The following COL13A1 variants were observed in gnomAD, a reference collection of about 807,000 sequenced individuals.
The protein encoded by COL13A1 is collagen type XIII alpha 1 chain, also known as collagen alpha-1(XIII) chain.
COL13A1 carries 89 observed loss-of-function variants against 130.9 expected under a neutral mutation model. The observed-to-expected ratio is 0.68, with a 90% CI of 0.57 to 0.81. The LOEUF (loss-of-function observed/expected upper bound fraction) is 0.81, where lower values mean the gene tolerates loss of function less well. COL13A1 is among the 30% of genes least tolerant of loss of function. The pLI is 0.00. For missense variants in COL13A1, 879 were observed against 934.6 expected (o/e 0.94, Z 0.78); for synonymous variants, 402 against 341.6 (o/e 1.18, Z -1.95).
At chr10:69,920,165 AGCTGCTACCCTGGG>A (rs1243020246) in intron 21 of COL13A1, among the ~76,000 whole-genome samples, 3 of 152,196 alleles carry the variant, frequency 2.0e-5, no homozygotes, top group Admixed American at 6.5e-5. Context: ...TTTACCGTTC[AGCTGCTACCCTGGG>A]GCAGGTGCCA....
chr10:69,949,448 C>T (rs1197443546), intron 38 of COL13A1, among the ~76,000 whole-genome samples: 1 of 152,202 alleles, frequency 6.6e-6, no homozygotes, highest in African/African-American at 2.4e-5. Flanking sequence ...TCCCAAAGTG[C>T]TGGAATTACA....
At chr10:69,956,896 C>A in intron 39 of COL13A1, 108 bp from the exon 40 acceptor site, 1 of 818,082 alleles carries the variant, frequency 1.2e-6, no homozygotes, top group South Asian at 1.4e-5. Flanking sequence ...GGGTGGGCCA[C>A]ATCCTGATCA....
chr10:69,882,724 G>GA (rs1222892817), intron 7 of COL13A1, among the ~76,000 whole-genome samples: 2 of 152,224 alleles, frequency 1.3e-5, no homozygotes, highest in Admixed American at 1.3e-4. Flanking sequence ...TACTTCAGGA[G>GA]AAAAAAGTCC....
rs1405812555 is a variant in COL13A1 at position 69,829,657 on chromosome 10, AG to A, written c.364+7222del. On this transcript the variant is annotated intron_variant, in intron 2 of 40. Transcript: ENST00000645393. ...AGGAAGGTTGACCATCACCTTGGAG[AG>A]GGCCCTGGGTTTAAGGAGCACCCCC... Among the ~76,000 whole-genome samples, 5 of 152,300 alleles carry A rather than the reference AG, an allele frequency of 3.3e-5. No homozygotes were observed. The South Asian group carries it at 8.3e-4, about 25-fold the overall frequency.
In COL13A1 at chr10:69,899,456, T is replaced by C. The variant is rs375273322; in HGVS notation, c.750+694T>C. 4.6e-5 allele frequency among the ~76,000 whole-genome samples: 7 copies of C among 152,340 alleles called. No homozygotes were observed. In the South Asian group the frequency reaches 1.2e-3, roughly 27 times the overall value. On this transcript the variant is annotated intron_variant, in intron 14 of 40. Coordinates refer to ENST00000645393, the MANE Select transcript of COL13A1 (RefSeq NM_001368882.1). ...TAAGAGGCAGAATTGAAACTGGCCT[T>C]GAAGCAGAATTGAAATTGAAGTCAG...
intron 39 of COL13A1, chr10:69,955,128 T>C (rs771628030): frequency 3.3e-5 from 5 of 152,190 alleles, no homozygotes; most frequent in Non-Finnish European, 1.5e-5. Context: ...ACAGGAATTC[T>C]CTTTGAACAA....
Position 69,932,104 on chromosome 10 carries a change from C to T in COL13A1, c.1684-456C>T, listed in dbSNP as rs964318993. Among the ~76,000 whole-genome samples, 62 of 152,044 alleles carry T rather than the reference C, an allele frequency of 4.1e-4. 1 individual carries two copies. The highest frequency in any genetic ancestry group is 1.3e-3 in the African/African-American group (55 of 41,454). ...TTATAGCAACTGGCATCTTCAAGGA[C>T]AAGGCCAGCAGTAGGGTCTCTCTAG... On this transcript the variant is annotated intron_variant, in intron 30 of 40. Transcript: ENST00000645393.
At chr10:69,909,391 C>T (rs2063127208) in intron 17 of COL13A1, among the ~76,000 whole-genome samples, 1 of 152,344 alleles carries the variant, frequency 6.6e-6, no homozygotes, top group Admixed American at 6.5e-5. Context: ...CCCATCACCG[C>T]CTCTCTGGGT....
intron 38 of COL13A1, among the ~76,000 whole-genome samples, chr10:69,950,714 G>T (rs1050831191): frequency 6.6e-6 from 1 of 152,236 alleles, no homozygotes; most frequent in Non-Finnish European, 1.5e-5. Context: ...TTAAACGCAT[G>T]TCGTTTTCTA....
chr10:69,916,070 C>T (rs138720905), intron 17 of COL13A1, among the ~76,000 whole-genome samples: 11 of 152,244 alleles, frequency 7.2e-5, no homozygotes, highest in East Asian at 1.9e-4. Flanking sequence ...AGACCCATCA[C>T]GGAGGAAGAG....
At chr10:69,918,429 T>C in intron 19 of COL13A1, 112 bp downstream of exon 19, 1 of 1,038,858 alleles carries the variant, frequency 9.6e-7, no homozygotes. Flanking sequence ...TGAGGGGGCA[T>C]ACAGGATTTG....
rs1166913515 is a variant in COL13A1 at position 69,802,620 on chromosome 10, C to T, written c.197C>T (p.Ala66Val). The T allele has an allele frequency of 1.2e-6, 2 of 1,613,196 alleles. No individual in the cohort carries two copies. Among genetic ancestry groups the T allele is most frequent in the South Asian group, 2.2e-5 (2 of 91,060 alleles). ...ALSLLAHFRTAELQARVLRLE... is the reference protein window; with the variant it reads ...ALSLLAHFRTVELQARVLRLE... ...AGCCTGCTCGCCCACTTTCGGACGG[C>T]CGAGCTGCAGGCCCGGGTGCTGCGC... The change falls in exon 1 of 41, where the codon GCC (alanine) becomes GTC (valine). Residue 66 changes from alanine to valine, a missense_variant. Around this residue, in one of 3 missense-constraint regions of COL13A1, gnomAD observed 715 missense variants for 721.0 expected, o/e 0.99. Coordinates refer to ENST00000645393, the MANE Select transcript of COL13A1 (RefSeq NM_001368882.1).
intron 24 of COL13A1, among the ~76,000 whole-genome samples, chr10:69,924,211 G>A (rs997119752): frequency 1.6e-4 from 24 of 152,218 alleles, no homozygotes; most frequent in African/African-American, 5.8e-4. Context: ...AAGAGAGTGG[G>A]TTACCTGGAG....
chr10:69,865,316 C>T (rs2058418948), intron 2 of COL13A1, among the ~76,000 whole-genome samples: 2 of 152,230 alleles, frequency 1.3e-5, no homozygotes, highest in South Asian at 4.1e-4. Context: ...CATCAAGGCA[C>T]TGCTAGATTT....
rs563979153 is a variant in COL13A1 at position 69,890,099 on chromosome 10, A to G, written c.603+659A>G. 6.9e-4 allele frequency among the ~76,000 whole-genome samples: 105 copies of G among 152,224 alleles called. 1 individual carries two copies. The highest frequency in any genetic ancestry group is 2.3e-3 in the African/African-American group (94 of 41,556). On this transcript the variant is annotated intron_variant, in intron 10 of 40. Coordinates refer to ENST00000645393, the MANE Select transcript of COL13A1 (RefSeq NM_001368882.1). ...AGATGGATCTGCCCAGGGTACCTGG[A>G]GTGCCTCAGGCCCCAAAAAGGTGGA...
intron 35 of COL13A1, among the ~76,000 whole-genome samples, chr10:69,943,742 C>G (rs1026418721): frequency 2.0e-5 from 3 of 152,186 alleles, no homozygotes; most frequent in African/African-American, 4.8e-5. Context: ...AAGACCCTCC[C>G]GCTGCATGTG....
At position 69,845,674 on chromosome 10, in the gene COL13A1, A is replaced by C. The variant is rs576480940; in HGVS notation, c.365-22124A>C. ...TTCTTGCCTCCCACAAGGTCCCTGCATCCCTCTTAGCAGTAACCCTGCTCC... is the reference window on the plus strand; with the variant it reads ...TTCTTGCCTCCCACAAGGTCCCTGCCTCCCTCTTAGCAGTAACCCTGCTCC... On this transcript the variant is annotated intron_variant, in intron 2 of 40. Transcript: ENST00000645393. 1.2e-4 allele frequency among the ~76,000 whole-genome samples: 18 copies of C among 152,274 alleles called. No homozygotes were observed. The South Asian group carries it at 3.7e-3, about 32-fold the overall frequency.
intron 1 of COL13A1, among the ~76,000 whole-genome samples, chr10:69,808,909 A>G (rs780228150): frequency 3.9e-5 from 6 of 152,172 alleles, no homozygotes; most frequent in Admixed American, 6.5e-5. Context: ...GCAGAGGATG[A>G]GATGATTGAC....
intron 35 of COL13A1, 32 bp downstream of exon 35, chr10:69,941,055 C>T (rs927769528): frequency 3.1e-6 from 5 of 1,613,508 alleles, no homozygotes; most frequent in Non-Finnish European, 4.2e-6. Flanking sequence ...CCCCTCACCC[C>T]ACTCCACTCC....
Sources: gnomAD v4.1 joint callset for allele counts (sites outside exome capture counted in the v4.1 genomes callset) on GRCh38, gnomAD v4.1.1 for gene constraint, gnomAD v4.1.1 regional missense constraint, MANE v1.5 for transcripts, NCBI Gene and HGNC (gene_info 2026-07-23, HGNC 2026-07-21) for gene names.